The following AMD1 variants were observed in gnomAD, a reference collection of about 807,000 sequenced individuals.
AMD1 encodes S-adenosylmethionine decarboxylase proenzyme.
AMD1 carries 11 observed loss-of-function variants against 40.2 expected under a neutral mutation model. The ratio of observed to expected loss-of-function variants is 0.27; its 90% CI spans 0.17 to 0.45. The LOEUF is 0.45. Ranked by LOEUF, AMD1 falls within the 20% of genes least tolerant of loss-of-function variation. The pLI is 1.00. For synonymous variants in AMD1, 121 were observed against 130.8 expected (o/e 0.93, Z 0.51); for missense variants, 257 against 410.2 (o/e 0.63, Z 3.23).
intron 1 of AMD1, among the ~76,000 whole-genome samples, chr6:110,882,210 C>G (rs1406431255): frequency 1.4e-4 from 22 of 152,182 alleles, no homozygotes; most frequent in Admixed American, 1.2e-3. Context: ...TGGCTCACTG[C>G]AACCTAATTT....
At position 110,875,021 on chromosome 6, in the gene AMD1, C is replaced by A; in HGVS notation, c.-85C>A. ...ACTTTAGTAACACAGCTGGAACAAT[C>A]CGCAGCGGCGGCGGCAGCGGCGGGA... On this transcript the variant is annotated 5_prime_UTR_variant, in exon 1 of 9. Coordinates refer to ENST00000368885, the MANE Select transcript of AMD1 (RefSeq NM_001634.6). 1 of 1,053,576 alleles carries A rather than the reference C, an allele frequency of 9.5e-7. No homozygotes were observed. The highest frequency in any genetic ancestry group is 1.4e-6 in the Non-Finnish European group (1 of 699,152). 65.3% of individuals were successfully genotyped at this position (1,053,576 alleles called of 1,614,324 possible). A position where few individuals can be genotyped will look rare whatever the true frequency, so the allele number is the denominator to read the frequency against.
At position 110,886,784 on chromosome 6, in the gene AMD1, T is replaced by A. The variant is rs116304682; in HGVS notation, c.111-721T>A. ...TGAGACCCTGTCTCAAAAAATAATA[T>A]CTGTCATGTTAAGCTGTTCCATGGA... is the stretch of plus-strand genomic sequence containing the variant. On this transcript the variant is annotated intron_variant, in intron 1 of 8. Coordinates refer to ENST00000368885, the MANE Select transcript of AMD1 (RefSeq NM_001634.6). Among the ~76,000 whole-genome samples the A allele has an allele frequency of 9.7e-3, 1,470 of 152,266 alleles. 21 individuals carry two copies. The highest frequency in any genetic ancestry group is 0.034 in the African/African-American group (1,403 of 41,562).
chr6:110,872,933 C>A (rs1161548562), upstream of AMD1, among the ~76,000 whole-genome samples: 1 of 152,190 alleles, frequency 6.6e-6, no homozygotes, highest in Non-Finnish European at 1.5e-5. Flanking sequence ...TCAGTAAGAA[C>A]CATCAAATAA....
At chr6:110,815,126 T>C in the AMD1 span, 1 of 1,599,238 alleles carries the variant, frequency 6.3e-7, no homozygotes. Context: ...CGCCTTGAAA[T>C]CATAATCCAT....
the AMD1 span, among the ~76,000 whole-genome samples, chr6:110,852,815 T>C: frequency 1.3e-5 from 2 of 152,188 alleles, no homozygotes; most frequent in African/African-American, 4.8e-5. Context: ...CAATGAATAT[T>C]TTTCTGAATG....
At chr6:110,876,016 G>A (rs1785089229) in intron 1 of AMD1, among the ~76,000 whole-genome samples, 1 of 152,214 alleles carries the variant, frequency 6.6e-6, no homozygotes, top group Non-Finnish European at 1.5e-5. Context: ...GGAGCGGGGC[G>A]GGAGAGGTGC....
intron 1 of AMD1, among the ~76,000 whole-genome samples, chr6:110,885,428 TTG>T (rs1416830313): frequency 2.0e-5 from 3 of 151,212 alleles, no homozygotes; most frequent in African/African-American, 7.3e-5. Flanking sequence ...TTTGTTGTTT[TTG>T]TTTTGTTTGT....
chr6:110,867,035 G>T, the AMD1 span, among the ~76,000 whole-genome samples: 1 of 151,940 alleles, frequency 6.6e-6, no homozygotes, highest in African/African-American at 2.4e-5. Flanking sequence ...GGATGGTCTC[G>T]ATCTCCTGAC....
chr6:110,872,227 T>C (rs140338611), upstream of AMD1, among the ~76,000 whole-genome samples: 1,732 of 152,264 alleles, frequency 0.011, 32 homozygotes, highest in African/African-American at 0.04. Flanking sequence ...TATAGACATG[T>C]CTTTACATCT....
the AMD1 span, among the ~76,000 whole-genome samples, chr6:110,825,560 T>C: frequency 1.3e-5 from 2 of 152,222 alleles, no homozygotes; most frequent in Non-Finnish European, 2.9e-5. Flanking sequence ...TAGGTACCAC[T>C]GCCACTGCCA....
chr6:110,871,763 A>G (rs1415087098), upstream of AMD1, among the ~76,000 whole-genome samples: 1 of 152,208 alleles, frequency 6.6e-6, no homozygotes, highest in Non-Finnish European at 1.5e-5. Flanking sequence ...TAGGCATTCA[A>G]GTAGTCAGGC....
At chr6:110,868,785 G>C in the AMD1 span, among the ~76,000 whole-genome samples, 7 of 152,176 alleles carry the variant, frequency 4.6e-5, no homozygotes, top group South Asian at 1.4e-3. Flanking sequence ...GCCAGGCGCG[G>C]TGGCTCACAC....
chr6:110,843,173 A>C, the AMD1 span, among the ~76,000 whole-genome samples: 1 of 151,636 alleles, frequency 6.6e-6, no homozygotes, highest in African/African-American at 2.4e-5. Flanking sequence ...GTCAAAAGTC[A>C]AAAAATGGCT....
chr6:110,849,651 T>G, the AMD1 span, among the ~76,000 whole-genome samples: 4 of 152,124 alleles, frequency 2.6e-5, no homozygotes, highest in Non-Finnish European at 5.9e-5. Flanking sequence ...TTACACTGTT[T>G]CTAAAACAAA....
the AMD1 span, among the ~76,000 whole-genome samples, chr6:110,819,110 C>A: frequency 6.6e-6 from 1 of 152,216 alleles, no homozygotes; most frequent in South Asian, 2.1e-4. Context: ...GTAATCCCAC[C>A]ACTTTGGGAG....
At chr6:110,839,119 CTG>C in the AMD1 span, among the ~76,000 whole-genome samples, 1 of 152,166 alleles carries the variant, frequency 6.6e-6, no homozygotes, top group Non-Finnish European at 1.5e-5. Context: ...GTATTATAAA[CTG>C]TGTTTCATCC....
chr6:110,840,541 G>A, the AMD1 span, among the ~76,000 whole-genome samples: 488 of 152,282 alleles, frequency 3.2e-3, 4 homozygotes, highest in African/African-American at 0.011. Context: ...TGCATAGGGC[G>A]AGGTGTGGGG....
In AMD1 at chr6:110,892,576, T is replaced by C. The variant is rs1057140860; in HGVS notation, c.615+133T>C. 15 of 1,426,258 alleles carry C rather than the reference T, an allele frequency of 1.1e-5. 1 individual carries two copies. The Admixed American group carries it at 1.4e-4, about 13-fold the overall frequency. The allele number at this position is 1,426,258 out of a possible 1,614,324, so 88.4% of individuals were successfully genotyped here. A position where few individuals can be genotyped will look rare whatever the true frequency, so the allele number is the denominator to read the frequency against. Reference sequence around the variant, plus strand: ...CATAGGTAAACTTGTGTCATGGGGGTTTGTCGTACACAGTATTTCGTCACC... The same window carrying C: ...CATAGGTAAACTTGTGTCATGGGGGCTTGTCGTACACAGTATTTCGTCACC... On this transcript the variant is annotated intron_variant, in intron 6 of 8. Coordinates refer to ENST00000368885, the MANE Select transcript of AMD1 (RefSeq NM_001634.6).
At chr6:110,868,712 T>C in the AMD1 span, among the ~76,000 whole-genome samples, 31 of 152,130 alleles carry the variant, frequency 2.0e-4, no homozygotes, top group Non-Finnish European at 2.9e-5. Context: ...CAAACAGCTT[T>C]TGGGACAGAT....
Sources: allele counts gnomAD v4.1 joint callset (sites outside exome capture counted in the v4.1 genomes callset), GRCh38; gene constraint gnomAD v4.1.1; transcripts MANE v1.5; gene names NCBI Gene and HGNC (gene_info 2026-07-23, HGNC 2026-07-21).